Variants in CCDC25 observed in about 807,000 individuals in gnomAD.
CCDC25 encodes coiled-coil domain-containing protein 25.
Under a neutral mutation model 35.3 loss-of-function variants are expected in CCDC25, and 16 were observed. That is an observed-to-expected ratio of 0.45 (90% CI 0.31 to 0.69). The LOEUF (loss-of-function observed/expected upper bound fraction) is 0.69. Ranked by LOEUF, CCDC25 falls within the 30% of genes least tolerant of loss-of-function variation. CCDC25 has a pLI of 0.06. For synonymous variants in CCDC25, 79 were observed against 80.3 expected (o/e 0.98, Z 0.09); for missense variants, 179 against 250.7 (o/e 0.71, Z 1.93).
rs868637342 is a variant in CCDC25, at chr8:27,735,242, G to A, written c.*974C>T. On this transcript the variant is annotated 3_prime_UTR_variant, in exon 9 of 9. Transcript: ENST00000356537. The stretch of plus-strand genomic sequence containing the variant: ...CCCATACACCAACATGGAATAAATG[G>A]AAACACTAGCCTTTTGGTTTTGCCC... The A allele has an allele frequency of 6.6e-6, 1 of 152,588 alleles. No homozygotes were observed. The highest frequency in any genetic ancestry group is 1.5e-5 in the Non-Finnish European group (1 of 68,040). The allele number at this position is 152,588 out of a possible 1,614,324, so 9.5% of individuals were successfully genotyped here.
At chr8:27,749,362 T>C (rs372911934) in intron 5 of CCDC25, among the ~76,000 whole-genome samples, 11 of 152,342 alleles carry the variant, frequency 7.2e-5, no homozygotes, top group African/African-American at 2.6e-4. Flanking sequence ...CCATGTACAC[T>C]GGAAAAAGCT....
Position 27,764,066 on chromosome 8 carries a change from G to A in CCDC25, c.76+1138C>T, listed in dbSNP as rs542934309. On this transcript the variant is annotated intron_variant, in intron 2 of 8. Coordinates refer to ENST00000356537, the MANE Select transcript of CCDC25 (RefSeq NM_018246.3). ...CAGACCTGAAAGCTTTTCAGTGAAA[G>A]TAAATCATTCCACTTAAATTGATGT... 6.2e-4 allele frequency among the ~76,000 whole-genome samples: 95 copies of A among 152,320 alleles called. 1 individual carries two copies. In the Middle Eastern group the frequency reaches 0.014, roughly 22 times the overall value.
rs1187347510 is a variant in CCDC25, at chr8:27,762,453, C to G, written c.82G>C (p.Asp28His). 6.2e-7 allele frequency: 1 copy of G among 1,613,380 alleles called. No homozygotes were observed. Among genetic ancestry groups the G allele is most frequent in the South Asian group, 1.1e-5 (1 of 91,000 alleles). The change falls in exon 3 of 9, where the codon GAT becomes CAT. Residue 28 changes from aspartate to histidine, a missense_variant. Asp to His is a moderately conservative substitution (Grantham distance 81, BLOSUM62 -1). Transcript: ENST00000356537. ...YMGKDKYENEDLIKHGWPEDI... is the reference protein window; with the variant it reads ...YMGKDKYENEHLIKHGWPEDI... ...TCAGGCCAGCCATGCTTGATCAGAT[C>G]TTCATCTGCAATGAGATATGAGAAA... is the stretch of plus-strand genomic sequence containing the variant.
At chr8:27,766,736 C>G (rs1804413572) in intron 1 of CCDC25, among the ~76,000 whole-genome samples, 1 of 151,904 alleles carries the variant, frequency 6.6e-6, no homozygotes, top group South Asian at 2.1e-4. Flanking sequence ...AAGCAATAAT[C>G]TTTTTACAAC....
intron 8 of CCDC25, among the ~76,000 whole-genome samples, chr8:27,738,628 T>G: frequency 1.4e-5 from 2 of 147,962 alleles, no homozygotes; most frequent in Non-Finnish European, 3.0e-5. Context: ...GTGTGTGTAT[T>G]TGTTTATTTC....
In CCDC25 at chr8:27,770,687, C is replaced by A. The variant is rs188377053; in HGVS notation, c.28+1826G>T. Among the ~76,000 whole-genome samples, 427 of 149,778 alleles carry A rather than the reference C, an allele frequency of 2.9e-3. 7 individuals carry two copies. The highest frequency in any genetic ancestry group is 0.01 in the African/African-American group (408 of 40,628). On this transcript the variant is annotated intron_variant, in intron 1 of 8. Coordinates refer to ENST00000356537, the MANE Select transcript of CCDC25 (RefSeq NM_018246.3). ...CCGGGAGGCAGAGGTTGCAGTGAGC[C>A]GAGATCGTGCCATTGCACTCCAGCC...
rs1175268736 is a variant in CCDC25 at position 27,734,775 on chromosome 8, C to G, written c.*1441G>C. ...GAGGTACAGAGGAATTCTGTAGAAG[C>G]CGGACTCCTTGGAAGTATGGAAGGA... On this transcript the variant is annotated 3_prime_UTR_variant, in exon 9 of 9. Transcript: ENST00000356537. The G allele has an allele frequency of 6.6e-6, 1 of 152,188 alleles. No individual in the cohort carries two copies. The highest frequency in any genetic ancestry group is 1.5e-5 in the Non-Finnish European group (1 of 68,048). The allele number at this position is 152,188 out of a possible 1,614,324, so 9.4% of individuals were successfully genotyped here.
At chr8:27,762,301 G>C in intron 3 of CCDC25, 118 bp downstream of exon 3, 1 of 827,710 alleles carries the variant, frequency 1.2e-6, no homozygotes, top group South Asian at 1.6e-5. Flanking sequence ...GCAGTCAGCT[G>C]TTTAACCCTG....
intron 7 of CCDC25, among the ~76,000 whole-genome samples, chr8:27,742,406 T>C (rs1803469691): frequency 6.6e-6 from 1 of 152,168 alleles, no homozygotes; most frequent in Non-Finnish European, 1.5e-5. Context: ...GAGAAAGACA[T>C]GTTGATGAAA....
chr8:27,755,359 T>G (rs1342260767), intron 4 of CCDC25, among the ~76,000 whole-genome samples: 1 of 152,024 alleles, frequency 6.6e-6, no homozygotes, highest in African/African-American at 2.4e-5. Flanking sequence ...AATATCAGAG[T>G]AAAATAACCT....
At position 27,765,554 on chromosome 8, in the gene CCDC25, C is replaced by T. The variant is rs536156652; in HGVS notation, c.29-303G>A. Among the ~76,000 whole-genome samples the T allele has an allele frequency of 2.6e-5, 4 of 152,142 alleles. No homozygotes were observed. The East Asian group carries it at 7.7e-4, about 29-fold the overall frequency. On this transcript the variant is annotated intron_variant, in intron 1 of 8. Coordinates refer to ENST00000356537, the MANE Select transcript of CCDC25 (RefSeq NM_018246.3). The stretch of plus-strand genomic sequence containing the variant: ...AGTTTACCATCCTTACTAATAGCTA[C>T]TTTCCTACTTTCTCAGGGTTACAGT...
chr8:27,735,945 C>T lies in CCDC25; in HGVS notation c.*271G>A. ...AGTCTATCTCAAGAACAAGGGCAGC[C>T]TGCTTTCACAAGGTACCAAGACATG... On this transcript the variant is annotated 3_prime_UTR_variant, in exon 9 of 9. Coordinates refer to ENST00000356537, the MANE Select transcript of CCDC25 (RefSeq NM_018246.3). The T allele has an allele frequency of 3.0e-6, 1 of 333,168 alleles. No homozygotes were observed. The highest frequency in any genetic ancestry group is 5.4e-6 in the Non-Finnish European group (1 of 184,216). 20.6% of individuals were successfully genotyped at this position (333,168 alleles called of 1,614,324 possible). A position where few individuals can be genotyped will look rare whatever the true frequency, so the allele number is the denominator to read the frequency against.
At position 27,737,434 on chromosome 8, in the gene CCDC25, TGTGCAGA is replaced by T. The variant is rs2128935050; in HGVS notation, c.598-1196_598-1190del. On this transcript the variant is annotated intron_variant, in intron 8 of 8. Coordinates refer to ENST00000356537, the MANE Select transcript of CCDC25 (RefSeq NM_018246.3). This position sits in a 1 kb window ranked among gnomAD's most constrained non-coding sequence, Gnocchi z 4.6. The stretch of plus-strand genomic sequence containing the variant: ...TTCCCTATAAAGGCTGTGAGTTAGA[TGTGCAGA>T]GTCCCCACTTGTCTGGGGCTATGTT... 6.6e-6 allele frequency among the ~76,000 whole-genome samples: 1 copy of T among 152,330 alleles called. No individual in the cohort carries two copies. Among genetic ancestry groups the T allele is most frequent in the South Asian group, 2.1e-4 (1 of 4,822 alleles).
chr8:27,763,005 G>T (rs573967285), intron 2 of CCDC25, among the ~76,000 whole-genome samples: 1 of 152,272 alleles, frequency 6.6e-6, no homozygotes, highest in Non-Finnish European at 1.5e-5. Context: ...TGGGGAGGTA[G>T]CAGGTGGGGT....
intron 8 of CCDC25, among the ~76,000 whole-genome samples, chr8:27,740,012 A>G (rs928338752): frequency 3.8e-4 from 58 of 152,178 alleles, no homozygotes; most frequent in African/African-American, 1.4e-3. Context: ...GAAAACAAAC[A>G]ATTTTGTCAC....
At chr8:27,754,332 C>T (rs1435768231) in intron 4 of CCDC25, among the ~76,000 whole-genome samples, 1 of 152,066 alleles carries the variant, frequency 6.6e-6, no homozygotes, top group Admixed American at 6.6e-5. Flanking sequence ...TAAAAGAGTT[C>T]ATAAAATGTC....
intron 3 of CCDC25, among the ~76,000 whole-genome samples, chr8:27,761,436 T>A (rs1804224812): frequency 6.6e-6 from 1 of 152,228 alleles, no homozygotes; most frequent in Non-Finnish European, 1.5e-5. Flanking sequence ...TTCACAGGGT[T>A]GTTGTGAAGT....
chr8:27,738,817 C>T (rs1803342403), intron 8 of CCDC25, among the ~76,000 whole-genome samples: 1 of 152,146 alleles, frequency 6.6e-6, no homozygotes, highest in South Asian at 2.1e-4. Flanking sequence ...TTGAAGACTA[C>T]TGTTTAGTGT....
chr8:27,770,754 AC>A (rs1466593778), intron 1 of CCDC25, among the ~76,000 whole-genome samples: 15 of 144,372 alleles, frequency 1.0e-4, no homozygotes, highest in Admixed American at 2.1e-4. Flanking sequence ...AAAAAAAAAA[AC>A]AAAAACAAAA....
Sources: allele counts gnomAD v4.1 joint callset (sites outside exome capture counted in the v4.1 genomes callset), GRCh38; gene constraint gnomAD v4.1.1; non-coding constraint Gnocchi (gnomAD v3.1); transcripts MANE v1.5; gene names NCBI Gene and HGNC (gene_info 2026-07-23, HGNC 2026-07-21).